The following CATSPER2 variants were observed in gnomAD, a reference collection of about 807,000 sequenced individuals.
CATSPER2 encodes the protein cation channel sperm associated 2.
Under a neutral mutation model 68.8 loss-of-function variants are expected in CATSPER2, and 56 were observed. The observed-to-expected ratio is 0.81, with a 90% CI of 0.66 to 1.02. CATSPER2 has a LOEUF of 1.02. CATSPER2 is among the 50% of genes least tolerant of loss of function. The pLI, the probability that CATSPER2 is intolerant of heterozygous loss-of-function variation, is 0.00. For synonymous variants in CATSPER2, 198 were observed against 229.9 expected (o/e 0.86, Z 1.26); for missense variants, 582 against 642.0 (o/e 0.91, Z 1.01).
At chr15:43,643,445 C>A (rs1448147396) in intron 4 of CATSPER2, among the ~76,000 whole-genome samples, 1 of 151,676 alleles carries the variant, frequency 6.6e-6, no homozygotes, top group Non-Finnish European at 1.5e-5. Flanking sequence ...TCAAGCGATT[C>A]TCTTGCCTCA....
intron 5 of CATSPER2, 127 bp from the exon 6 acceptor site, chr15:43,639,925 T>G (rs1364183326): frequency 2.9e-5 from 46 of 1,580,652 alleles, no homozygotes; most frequent in Non-Finnish European, 3.9e-5. Context: ...CTCTGAGAAG[T>G]GCTTACTATT....
intron 2 of CATSPER2, 23 bp from the exon 3 acceptor site, chr15:43,647,490 A>C: frequency 4.4e-6 from 7 of 1,609,166 alleles, no homozygotes; most frequent in Non-Finnish European, 5.1e-6. Flanking sequence ...TTAAAAAGGG[A>C]TAGTGGATAA....
chr15:43,636,888 T>C (rs1159234209), intron 7 of CATSPER2, among the ~76,000 whole-genome samples: 2 of 151,352 alleles, frequency 1.3e-5, no homozygotes, highest in African/African-American at 2.4e-5. Flanking sequence ...AGTTGCGTGA[T>C]CTCAGCTCAC....
At position 43,640,463 on chromosome 15, in the gene CATSPER2, G is replaced by A. The variant is rs768576630; in HGVS notation, c.422C>T (p.Pro141Leu). Residue 141 changes from proline (P) to leucine (L), a missense_variant, in exon 5 of 13, where the codon CCA (proline) becomes CTA (leucine). Physicochemically the swap from Pro to Leu is moderately conservative, Grantham distance 98. Coordinates refer to ENST00000396879, the MANE Select transcript of CATSPER2 (RefSeq NM_172095.4). ...LLESTNTKLW[P>L]LKLTLEVAAW... is the part of the protein sequence containing the mutation. ...TGCCACCTCCAAGGTCAGCTTCAAT[G>A]GCCATAGTTTGGTATTTGTGGATTC... 1.2e-6 allele frequency: 2 copies of A among 1,613,346 alleles called. No individual in the cohort carries two copies. Among genetic ancestry groups the A allele is most frequent in the Non-Finnish European group, 1.7e-6 (2 of 1,179,592 alleles).
chr15:43,637,890 C>T (rs545998233), intron 7 of CATSPER2, among the ~76,000 whole-genome samples: 1 of 151,716 alleles, frequency 6.6e-6, no homozygotes, highest in East Asian at 1.9e-4. Context: ...TGCTTAAATG[C>T]ATTACCACAT....
chr15:43,646,876 G>A (rs2086175734), intron 4 of CATSPER2, among the ~76,000 whole-genome samples, 174 bp downstream of exon 4: 1 of 151,366 alleles, frequency 6.6e-6, no homozygotes, highest in Admixed American at 6.6e-5. Flanking sequence ...TACCAAGCCC[G>A]GCTAATTTTT....
chr15:43,630,481 A>G lies in CATSPER2; in HGVS notation c.*220T>C, dbSNP rs1436313465. ...GTGATTCTCCTGCCTCAGGCTCCCA[A>G]GTAGCTATGATTACAAGCATCTGCC... On this transcript the variant is annotated 3_prime_UTR_variant, in exon 13 of 13. Transcript: ENST00000396879. 2.1e-6 allele frequency: 2 copies of G among 958,580 alleles called. No individual in the cohort carries two copies. The highest frequency in any genetic ancestry group is 3.1e-5 in the East Asian group (1 of 32,104). The allele number at this position is 958,580 out of a possible 1,614,324, so 59.4% of individuals were successfully genotyped here.
rs1229626858 is a variant in CATSPER2 at position 43,639,736 on chromosome 15, A to G, written c.624T>C (p.Leu208=). ...ACCTCAGCACCCGGCAGATCCTCAG[A>G]AGCTGAAGCCACACCGATTGGCCTG... The part of the protein sequence containing the change: ...GVTGQSVWLQ[L]LRICRVLRSL... The change falls in exon 6 of 13, where the codon CTT becomes CTC. Residue 208 remains leucine (L), a synonymous_variant. Transcript: ENST00000396879. 1 of 1,612,842 alleles carries G rather than the reference A, an allele frequency of 6.2e-7. No individual in the cohort carries two copies. Among genetic ancestry groups the G allele is most frequent in the Admixed American group, 1.7e-5 (1 of 59,932 alleles).
intron 4 of CATSPER2, among the ~76,000 whole-genome samples, chr15:43,645,832 T>A (rs1169002882): frequency 4.6e-5 from 7 of 151,954 alleles, no homozygotes; most frequent in Non-Finnish European, 1.0e-4. Context: ...ACAGTGAGAA[T>A]GAAACAAGTT....
Position 43,648,803 on chromosome 15 carries a change from G to C in CATSPER2, c.-177C>G. ...CAGGTTTCGGCTCACCCCGGGACCC[G>C]GCCCTAGCCCCTACCCACAGCCCAG... On this transcript the variant is annotated 5_prime_UTR_variant, in exon 1 of 13. Coordinates refer to ENST00000396879, the MANE Select transcript of CATSPER2 (RefSeq NM_172095.4). 2 of 1,530,682 alleles carry C rather than the reference G, an allele frequency of 1.3e-6. No homozygotes were observed. The allele number at this position is 1,530,682 out of a possible 1,614,324, so 94.8% of individuals were successfully genotyped here. A position where few individuals can be genotyped will look rare whatever the true frequency, so the allele number is the denominator to read the frequency against.
At chr15:43,647,550 G>T in intron 2 of CATSPER2, 83 bp from the exon 3 acceptor site, 2 of 1,309,108 alleles carry the variant, frequency 1.5e-6, no homozygotes, top group Admixed American at 1.7e-5. Context: ...TACTGGTCAG[G>T]TAATGGGTTC....
chr15:43,632,706 C>T lies in CATSPER2; in HGVS notation c.1396+11G>A, dbSNP rs758386308. 1.2e-6 allele frequency: 2 copies of T among 1,613,144 alleles called. No homozygotes were observed. The highest frequency in any genetic ancestry group is 1.7e-6 in the Non-Finnish European group (2 of 1,179,414). On this transcript the variant is annotated intron_variant, in intron 11 of 12. Coordinates refer to ENST00000396879, the MANE Select transcript of CATSPER2 (RefSeq NM_172095.4). ...ATGGAAAAAACTCATTATTATAGTT[C>T]TTCGGCTCACCAATAGATTCAGAAA...
intron 4 of CATSPER2, among the ~76,000 whole-genome samples, chr15:43,646,714 TTTTC>T (rs1435397811): frequency 2.2e-5 from 3 of 137,494 alleles, no homozygotes; most frequent in Admixed American, 7.0e-5. Flanking sequence ...CTCTTTTTCT[TTTTC>T]TTTTTTTTTT....
chr15:43,632,395 CT>C (rs1274810984), intron 11 of CATSPER2, 32 bp from the exon 12 acceptor site: 12 of 1,611,426 alleles, frequency 7.4e-6, no homozygotes, highest in Non-Finnish European at 1.0e-5. Context: ...AAAAGCACGT[CT>C]AGATTTGTAA....
Position 43,648,812 on chromosome 15 carries a change from C to T in CATSPER2, c.-186G>A. The T allele has an allele frequency of 3.9e-6, 6 of 1,533,032 alleles. No individual in the cohort carries two copies. The highest frequency in any genetic ancestry group is 1.2e-5 in the South Asian group (1 of 83,576). 95.0% of individuals were successfully genotyped at this position (1,533,032 alleles called of 1,614,324 possible). On this transcript the variant is annotated 5_prime_UTR_variant, in exon 1 of 13. Transcript: ENST00000396879. The stretch of plus-strand genomic sequence containing the variant: ...GCTCACCCCGGGACCCGGCCCTAGC[C>T]CCTACCCACAGCCCAGGACCATGCG...
chr15:43,630,914 C>T (rs1284240649), intron 12 of CATSPER2, among the ~76,000 whole-genome samples, 182 bp from the exon 13 acceptor site: 1 of 151,940 alleles, frequency 6.6e-6, no homozygotes, highest in Non-Finnish European at 1.5e-5. Context: ...ATTAAAGAAA[C>T]TACCTTGCTG....
At position 43,639,686 on chromosome 15, in the gene CATSPER2, C is replaced by G; in HGVS notation, c.674G>C (p.Arg225Pro). The G allele has an allele frequency of 6.2e-7, 1 of 1,613,144 alleles. No homozygotes were observed. Among genetic ancestry groups the G allele is most frequent in the African/African-American group, 1.3e-5 (1 of 74,792 alleles). Residue 225 changes from arginine (R) to proline (P), a missense_variant, in exon 6 of 13, where the codon CGT (arginine) becomes CCT (proline). By Grantham distance (103) the Arg-to-Pro change is moderately radical. This residue lies in a region of CATSPER2 where 91 missense variants were observed against 72.8 expected (regional missense o/e 1.25). Transcript: ENST00000396879. Reference protein sequence around the residue: ...LRSLKLLAQFRQIQIIILVLV... With the variant: ...LRSLKLLAQFPQIQIIILVLV... ...GACCAAAATAATAATTTGAATTTGA[C>G]GGAATTGTGCAAGGAGTTTGAGAGA... is the stretch of plus-strand genomic sequence containing the variant.
chr15:43,642,304 T>G (rs1394321038), intron 4 of CATSPER2: 1 of 151,950 alleles, frequency 6.6e-6, no homozygotes, highest in Non-Finnish European at 1.5e-5. Context: ...TTCACCATGT[T>G]GGCCAGGATG....
chr15:43,638,286 C>CTTTTTTTTTTTTTTTTTTTTTTTTTTTT (rs71460446), intron 7 of CATSPER2, among the ~76,000 whole-genome samples: 1 of 81,836 alleles, frequency 1.2e-5, no homozygotes, highest in Non-Finnish European at 2.1e-5. Context: ...TTCTTTCTTT[C>CTTTTTTTTTTTTTTTTTTTTTTTTTTTT]TTTTTTTTTT....
Sources: allele counts gnomAD v4.1 joint callset (sites outside exome capture counted in the v4.1 genomes callset), GRCh38; gene constraint gnomAD v4.1.1; regional missense constraint gnomAD v4.1.1; transcripts MANE v1.5; gene names NCBI Gene and HGNC (gene_info 2026-07-23, HGNC 2026-07-21).